SH2D4B: variants seen among roughly 807,000 people sequenced by gnomAD.
SH2D4B encodes the protein SH2 domain-containing protein 4B.
A neutral mutation model predicts 61.5 loss-of-function variants in SH2D4B; 45 were observed. The observed-to-expected ratio is 0.73, with a 90% CI of 0.58 to 0.94. SH2D4B has a LOEUF of 0.94. Among genes scored for constraint, SH2D4B ranks in the 40% least tolerant of loss-of-function variants. The pLI, the probability that SH2D4B is intolerant of heterozygous loss-of-function variation, is 0.00. For missense variants in SH2D4B, 572 were observed against 574.2 expected, an observed-to-expected ratio of 1.00 and a Z score of 0.04; for synonymous variants, 224 against 220.4, an observed-to-expected ratio of 1.02 and a Z score of -0.14.
rs552385386 is a variant in SH2D4B, at chr10:80,601,318, G to C, written c.644-2261G>C. 7.9e-5 allele frequency among the ~76,000 whole-genome samples: 12 copies of C among 152,244 alleles called. No homozygotes were observed. In the South Asian group the frequency reaches 2.1e-3, roughly 26 times the overall value. ...TGCGAGGCTGCTGCCCCTAAGCTCTGACAATACTTTATTGGTCTCTTTTTT... is the reference window on the plus strand; with the variant it reads ...TGCGAGGCTGCTGCCCCTAAGCTCTCACAATACTTTATTGGTCTCTTTTTT... On this transcript the variant is annotated intron_variant, in intron 4 of 7. Transcript: ENST00000646907.
intron 3 of SH2D4B, among the ~76,000 whole-genome samples, chr10:80,573,287 A>G (rs1325243571): frequency 6.6e-6 from 1 of 151,400 alleles, no homozygotes; most frequent in African/African-American, 2.4e-5. Flanking sequence ...TGCCCGGCCT[A>G]TGTTGCAAAT....
At chr10:80,549,683 C>T (rs1436807720) in intron 1 of SH2D4B, among the ~76,000 whole-genome samples, 1 of 152,248 alleles carries the variant, frequency 6.6e-6, no homozygotes. Context: ...CTCTTGTTTC[C>T]TTCCTGCCTT....
chr10:80,591,497 C>A (rs2132132119), intron 4 of SH2D4B, among the ~76,000 whole-genome samples: 1 of 142,708 alleles, frequency 7.0e-6, no homozygotes, highest in East Asian at 2.0e-4. Flanking sequence ...CACTAAGAGC[C>A]AAACTGGCTT....
At chr10:80,563,183 G>A in intron 1 of SH2D4B, among the ~76,000 whole-genome samples, 1 of 152,118 alleles carries the variant, frequency 6.6e-6, no homozygotes, top group East Asian at 1.9e-4. Context: ...TTACAGGCGT[G>A]AGCCACCGCG....
chr10:80,611,798 TTA>T (rs199844794), intron 6 of SH2D4B, among the ~76,000 whole-genome samples: 3,410 of 151,932 alleles, frequency 0.022, 112 homozygotes, highest in African/African-American at 0.074. Flanking sequence ...TTTTTTTTTT[TTA>T]AAAGGTAACT....
chr10:80,570,045 G>T, intron 1 of SH2D4B, 109 bp from the exon 2 acceptor site: 1 of 1,329,590 alleles, frequency 7.5e-7, no homozygotes, highest in Non-Finnish European at 1.1e-6. Flanking sequence ...TTTTGTGGAT[G>T]ACAATGTTCC....
intron 7 of SH2D4B, among the ~76,000 whole-genome samples, chr10:80,643,276 G>T (rs937684225): frequency 3.4e-5 from 5 of 147,162 alleles, no homozygotes; most frequent in East Asian, 2.0e-4. Context: ...GCCCATTCTC[G>T]TTTCATGGAT....
At chr10:80,589,011 T>TTTG (rs1176730206) in intron 4 of SH2D4B, among the ~76,000 whole-genome samples, 1 of 150,042 alleles carries the variant, frequency 6.7e-6, no homozygotes, top group Non-Finnish European at 1.5e-5. Flanking sequence ...TTTTTTTTTT[T>TTTG]GTTCTTTTTT....
intron 6 of SH2D4B, among the ~76,000 whole-genome samples, chr10:80,627,045 G>A (rs894424074): frequency 5.3e-5 from 8 of 152,168 alleles, no homozygotes; most frequent in South Asian, 2.1e-4. Context: ...GCCCCAGATC[G>A]TGCCTAATGC....
At chr10:80,550,176 C>T (rs1039293237) in intron 1 of SH2D4B, among the ~76,000 whole-genome samples, 2 of 152,122 alleles carry the variant, frequency 1.3e-5, no homozygotes, top group Non-Finnish European at 2.9e-5. Context: ...AGGAGAACTC[C>T]TCCAGATGGA....
At chr10:80,574,860 C>G (rs1467571269) in intron 3 of SH2D4B, among the ~76,000 whole-genome samples, 1 of 152,022 alleles carries the variant, frequency 6.6e-6, no homozygotes, top group Non-Finnish European at 1.5e-5. Context: ...ACCACCACAC[C>G]CAGCTAATTT....
chr10:80,604,943 G>A (rs552478819), intron 5 of SH2D4B, among the ~76,000 whole-genome samples: 5 of 152,024 alleles, frequency 3.3e-5, no homozygotes, highest in Admixed American at 6.6e-5. Context: ...ATAGGTGCCC[G>A]CCACCACACC....
At position 80,644,116 on chromosome 10, in the gene SH2D4B, G is replaced by T; in HGVS notation, c.*31G>T. On this transcript the variant is annotated 3_prime_UTR_variant, in exon 8 of 8. Coordinates refer to ENST00000646907, the MANE Select transcript of SH2D4B (RefSeq NM_001388272.1). Reference sequence around the variant, plus strand: ...TTCCTTATCAATTGGATTCATTTTGGTATCCTGTTTTTGAACTCAGCTTAA... The same window carrying T: ...TTCCTTATCAATTGGATTCATTTTGTTATCCTGTTTTTGAACTCAGCTTAA... 6.3e-7 allele frequency: 1 copy of T among 1,579,236 alleles called. No individual in the cohort carries two copies. Among genetic ancestry groups the T allele is most frequent in the Non-Finnish European group, 8.7e-7 (1 of 1,149,724 alleles).
intron 5 of SH2D4B, among the ~76,000 whole-genome samples, chr10:80,608,983 A>T (rs994068197): frequency 1.5e-4 from 23 of 152,224 alleles, no homozygotes; most frequent in Admixed American, 1.3e-3. Context: ...AGGGGATGAG[A>T]CACGCTCATT....
chr10:80,551,470 C>T (rs1014705590), intron 1 of SH2D4B, among the ~76,000 whole-genome samples: 1 of 151,806 alleles, frequency 6.6e-6, no homozygotes, highest in Non-Finnish European at 1.5e-5. Context: ...GATTAGTATC[C>T]AGAAAATATA....
chr10:80,634,422 G>C lies in SH2D4B; in HGVS notation c.1126G>C (p.Asp376His). ...LQKGFKHFLV[D>H]ASGDFYSFLG... ...GAAAGGGTTCAAACACTTTCTTGTG[G>C]ATGCTTCTGGGGATTTTTACAGCTT... The change falls in exon 7 of 8, where the codon GAT becomes CAT. Residue 376 changes from aspartate (D) to histidine (H), a missense_variant. Physicochemically the swap from Asp to His is moderately conservative, Grantham distance 81 (BLOSUM62 -1). Transcript: ENST00000646907. 1.9e-6 allele frequency: 3 copies of C among 1,550,572 alleles called. No homozygotes were observed. The highest frequency in any genetic ancestry group is 2.6e-6 in the Non-Finnish European group (3 of 1,146,982).
In SH2D4B at chr10:80,570,986, C is replaced by T. The variant is rs149229371; in HGVS notation, c.348-445C>T. Among the ~76,000 whole-genome samples, 1,134 of 152,094 alleles carry T rather than the reference C, an allele frequency of 7.5e-3. 18 individuals carry two copies. Among genetic ancestry groups the T allele is most frequent in the African/African-American group, 0.025 (1,034 of 41,482 alleles). The stretch of plus-strand genomic sequence containing the variant: ...ATCTCCTGGGCTCAAGTGATCCTCC[C>T]GCCTCAGCCTCCTGAGTATCTGGGA... On this transcript the variant is annotated intron_variant, in intron 2 of 7. Coordinates refer to ENST00000646907, the MANE Select transcript of SH2D4B (RefSeq NM_001388272.1).
At chr10:80,614,961 C>T (rs1032218508) in intron 6 of SH2D4B, among the ~76,000 whole-genome samples, 5 of 152,228 alleles carry the variant, frequency 3.3e-5, no homozygotes, top group Admixed American at 1.3e-4. Flanking sequence ...TCCTGGGTAG[C>T]CCTCCTGGGA....
chr10:80,618,839 T>A (rs546765827), intron 6 of SH2D4B, among the ~76,000 whole-genome samples: 1 of 152,124 alleles, frequency 6.6e-6, no homozygotes, highest in East Asian at 1.9e-4. Flanking sequence ...GTTACTCAGG[T>A]TCAATTCTGA....
Sources: allele counts gnomAD v4.1 joint callset (sites outside exome capture counted in the v4.1 genomes callset), GRCh38; gene constraint gnomAD v4.1.1; transcripts MANE v1.5; gene names NCBI Gene and HGNC (gene_info 2026-07-23, HGNC 2026-07-21).